ANKRD26: variants seen among roughly 807,000 people sequenced by gnomAD.
The protein encoded by ANKRD26 is ankyrin repeat domain-containing protein 26.
In ANKRD26, 141 loss-of-function variants were observed where a neutral mutation model predicts 208.7. The ratio of observed to expected loss-of-function variants is 0.68; its 90% CI spans 0.59 to 0.78. The LOEUF is 0.78. Among genes scored for constraint, ANKRD26 ranks in the 30% least tolerant of loss-of-function variants. The pLI is 0.00. For missense variants in ANKRD26, 1,889 were observed against 1,938.7 expected (o/e 0.97, Z 0.48); for synonymous variants, 636 against 660.4 (o/e 0.96, Z 0.57).
Position 27,067,554 on chromosome 10 carries a change from C to T in ANKRD26, c.1078-268G>A, listed in dbSNP as rs145764764. Among the ~76,000 whole-genome samples the T allele has an allele frequency of 3.7e-3, 558 of 152,190 alleles. 1 individual carries two copies. Among genetic ancestry groups the T allele is most frequent in the Non-Finnish European group, 6.1e-3 (414 of 68,020 alleles). Reference sequence around the variant, plus strand: ...GGGGAGGCCTCGGGAAGCTTATAATCACAGCAGAAGGCAAAGAGGGGGCAG... The same window carrying T: ...GGGGAGGCCTCGGGAAGCTTATAATTACAGCAGAAGGCAAAGAGGGGGCAG... On this transcript the variant is annotated intron_variant, in intron 9 of 33. Coordinates refer to ENST00000376087, the MANE Select transcript of ANKRD26 (RefSeq NM_014915.3).
chr10:26,981,922 C>G (rs2052315084), intron 4 of ANKRD26, among the ~76,000 whole-genome samples: 1 of 152,128 alleles, frequency 6.6e-6, no homozygotes, highest in Non-Finnish European at 1.5e-5. Flanking sequence ...TGAGATTAGA[C>G]CCTAATTATG....
intron 24 of ANKRD26, 36 bp from the exon 25 acceptor site, chr10:27,033,413 CCTT>C (rs1214722797): frequency 1.3e-6 from 2 of 1,584,248 alleles, no homozygotes; most frequent in Admixed American, 3.4e-5. Context: ...TTATAAATCA[CCTT>C]ATTATTAAGT....
At chr10:27,058,308 T>C (rs967792803) in intron 15 of ANKRD26, among the ~76,000 whole-genome samples, 2 of 152,196 alleles carry the variant, frequency 1.3e-5, no homozygotes, top group Non-Finnish European at 2.9e-5. Context: ...AGAGGTCACA[T>C]AATGCATAAT....
In ANKRD26 at chr10:27,004,972, C is replaced by G. The variant is rs2052819601; in HGVS notation, c.*618G>C. 1 of 907,126 alleles carries G rather than the reference C, an allele frequency of 1.1e-6. No individual in the cohort carries two copies. The highest frequency in any genetic ancestry group is 1.3e-6 in the Non-Finnish European group (1 of 758,786). The allele number at this position is 907,126 out of a possible 1,614,324, so 56.2% of individuals were successfully genotyped here. A position where few individuals can be genotyped will look rare whatever the true frequency, so the allele number is the denominator to read the frequency against. ...GTAATCAGGGGTGATGACATAATGTCAGCAATTTACTCTCAAATTGTTCGG... is the reference window on the plus strand; with the variant it reads ...GTAATCAGGGGTGATGACATAATGTGAGCAATTTACTCTCAAATTGTTCGG... On this transcript the variant is annotated 3_prime_UTR_variant, in exon 34 of 34. Coordinates refer to ENST00000376087, the MANE Select transcript of ANKRD26 (RefSeq NM_014915.3).
At position 27,035,401 on chromosome 10, in the gene ANKRD26, TAGCAGC is replaced by T; in HGVS notation, c.3043_3048del (p.Ala1015_Ala1016del). 1.2e-6 allele frequency: 2 copies of T among 1,614,018 alleles called. No homozygotes were observed. Among genetic ancestry groups the T allele is most frequent in the Non-Finnish European group, 8.5e-7 (1 of 1,179,906 alleles). ...GTCTCACTTTGATCACGATCATGTA[TAGCAGC>T]AGCCAATCTAGAATGGTATGATTCA... On this transcript the variant is annotated inframe_deletion, in exon 24 of 34. Coordinates refer to ENST00000376087, the MANE Select transcript of ANKRD26 (RefSeq NM_014915.3).
the ANKRD26 span, among the ~76,000 whole-genome samples, chr10:26,959,686 G>T: frequency 3.3e-5 from 5 of 150,470 alleles, no homozygotes; most frequent in African/African-American, 9.8e-5. Flanking sequence ...CACCAGGCTG[G>T]CCAGGCTAGT....
At chr10:27,051,764 A>G (rs1305988815) in intron 16 of ANKRD26, 1 of 985,384 alleles carries the variant, frequency 1.0e-6, no homozygotes. Context: ...TTTCATCGCA[A>G]TCAAGTATAT....
intron 3 of ANKRD26, 124 bp from the exon 4 acceptor site, chr10:27,092,636 C>T (rs186135896): frequency 2.5e-6 from 2 of 787,348 alleles, no homozygotes; most frequent in South Asian, 1.6e-5. Flanking sequence ...AAAACACTTG[C>T]TTCCCTTGGA....
exon 6 of ANKRD26, among the ~76,000 whole-genome samples, chr10:26,974,554 A>T (rs148797732): frequency 2.0e-4 from 30 of 152,108 alleles, no homozygotes; most frequent in Admixed American, 7.9e-4. Context: ...GTTAGCCAGG[A>T]TGGTCTTGAT....
At chr10:27,093,654 T>C in intron 2 of ANKRD26, 31 bp downstream of exon 2, 1 of 1,604,352 alleles carries the variant, frequency 6.2e-7, no homozygotes, top group South Asian at 1.1e-5. Flanking sequence ...GTCAAATCCA[T>C]CTGATGCTGA....
rs765610106 is a variant in ANKRD26, at chr10:27,014,650, T to C, written c.4568A>G (p.Lys1523Arg). ...QFRENNFASM[K>R]SQMELRIKDL... is the part of the protein sequence containing the mutation. ...TTTAATTCTGAGTTCCATCTGACTTTTCATTGAAGCAAAATTATTCTCTCT... is the reference window on the plus strand; with the variant it reads ...TTTAATTCTGAGTTCCATCTGACTTCTCATTGAAGCAAAATTATTCTCTCT... The change falls in exon 31 of 34, where the codon AAA (lysine) becomes AGA (arginine). Residue 1523 changes from lysine (K) to arginine (R), a missense_variant. Lys to Arg is a conservative substitution (Grantham distance 26). This residue lies in a region of ANKRD26 where 613 missense variants were observed against 648.2 expected (regional missense o/e 0.95). Coordinates refer to ENST00000376087, the MANE Select transcript of ANKRD26 (RefSeq NM_014915.3). The C allele has an allele frequency of 1.1e-4, 175 of 1,613,448 alleles. No individual in the cohort carries two copies. Among genetic ancestry groups the C allele is most frequent in the Non-Finnish European group, 1.4e-4 (165 of 1,179,888 alleles).
At chr10:26,953,152 G>T in the ANKRD26 span, among the ~76,000 whole-genome samples, 1 of 152,158 alleles carries the variant, frequency 6.6e-6, no homozygotes, top group Non-Finnish European at 1.5e-5. Flanking sequence ...AGGCCAGACA[G>T]AGTGGGTCAT....
At chr10:27,054,643 A>G (rs1055427993) in intron 15 of ANKRD26, among the ~76,000 whole-genome samples, 4 of 151,976 alleles carry the variant, frequency 2.6e-5, no homozygotes, top group Non-Finnish European at 4.4e-5. Flanking sequence ...GTTGAGACTT[A>G]AAAAGTGAGG....
chr10:27,053,543 G>A lies in ANKRD26; in HGVS notation c.1565-153C>T, dbSNP rs528194308. Among the ~76,000 whole-genome samples, 4 of 152,178 alleles carry A rather than the reference G, an allele frequency of 2.6e-5. No individual in the cohort carries two copies. In the South Asian group the frequency reaches 6.2e-4, roughly 24 times the overall value. On this transcript the variant is annotated intron_variant, in intron 15 of 33. Transcript: ENST00000376087. Reference sequence around the variant, plus strand: ...TTATGAGACAGGGCCTTACTCTGTCGCCCTAGCTGGAGTGCAGTGGCGCAA... The same window carrying A: ...TTATGAGACAGGGCCTTACTCTGTCACCCTAGCTGGAGTGCAGTGGCGCAA...
chr10:27,067,176 C>T lies in ANKRD26; in HGVS notation c.1188G>A (p.Val396=), dbSNP rs1564407694. 6.8e-6 allele frequency: 11 copies of T among 1,613,350 alleles called. No homozygotes were observed. The highest frequency in any genetic ancestry group is 9.3e-6 in the Non-Finnish European group (11 of 1,179,638). The change falls in exon 10 of 34, where the codon GTG becomes GTA. Residue 396 remains valine, a synonymous_variant. Transcript: ENST00000376087. ...NNDNLTYVDE[V]HKNNRSDMMS... is the part of the protein sequence containing the mutation. Reference sequence around the variant, plus strand: ...ACTTACCACTTCTATTATTTTTGTGCACTTCATCAACATAAGTCAAATTGT... The same window carrying T: ...ACTTACCACTTCTATTATTTTTGTGTACTTCATCAACATAAGTCAAATTGT...
rs542288037 is a variant in ANKRD26, at chr10:27,020,722, A to T, written c.4215+1836T>A. On this transcript the variant is annotated intron_variant, in intron 29 of 33. Coordinates refer to ENST00000376087, the MANE Select transcript of ANKRD26 (RefSeq NM_014915.3). ...CACCCAGGCTGGAGTGCAATGGTGC[A>T]ATCTTGGCTCACTGCAACCTCCGCC... Among the ~76,000 whole-genome samples the T allele has an allele frequency of 2.0e-5, 3 of 152,098 alleles. No homozygotes were observed. The East Asian group carries it at 5.8e-4, about 29-fold the overall frequency.
chr10:27,039,245 A>G (rs2054147080), intron 21 of ANKRD26, among the ~76,000 whole-genome samples: 1 of 152,132 alleles, frequency 6.6e-6, no homozygotes, highest in South Asian at 2.1e-4. Context: ...CAAGGTCAGG[A>G]GTTCAAGACC....
At position 27,005,357 on chromosome 10, in the gene ANKRD26, C is replaced by T; in HGVS notation, c.*233G>A. On this transcript the variant is annotated 3_prime_UTR_variant, in exon 34 of 34. Transcript: ENST00000376087. The stretch of plus-strand genomic sequence containing the variant: ...CAACTTAGTGGTTTGGCTGTTTAAA[C>T]AGCTCACATTTGGGCAGTTTGAGTA... 8.2e-7 allele frequency: 1 copy of T among 1,224,026 alleles called. No individual in the cohort carries two copies. The highest frequency in any genetic ancestry group is 2.0e-5 in the South Asian group (1 of 49,868). The allele number at this position is 1,224,026 out of a possible 1,614,324, so 75.8% of individuals were successfully genotyped here.
chr10:27,091,621 C>T (rs1366980677), intron 4 of ANKRD26, among the ~76,000 whole-genome samples: 1 of 152,152 alleles, frequency 6.6e-6, no homozygotes, highest in Non-Finnish European at 1.5e-5. Flanking sequence ...ATGTTTAACA[C>T]AGCATTTCTG....
Sources: allele counts gnomAD v4.1 joint callset (sites outside exome capture counted in the v4.1 genomes callset), GRCh38; gene constraint gnomAD v4.1.1; regional missense constraint gnomAD v4.1.1; transcripts MANE v1.5; gene names NCBI Gene and HGNC (gene_info 2026-07-23, HGNC 2026-07-21).